Variants in TAF3 observed in about 807,000 individuals in gnomAD.
TAF3 encodes transcription initiation factor TFIID subunit 3.
In TAF3, 7 loss-of-function variants were observed where a neutral mutation model predicts 80.6. That is an observed-to-expected ratio of 0.09 (90% CI 0.05 to 0.16). The LOEUF is 0.16. Among genes scored for constraint, TAF3 ranks in the 10% least tolerant of loss-of-function variants. The pLI is 1.00. For missense variants in TAF3, 921 were observed against 1,140.2 expected (o/e 0.81, Z 2.77); for synonymous variants, 444 against 446.1 (o/e 1.00, Z 0.06).
At chr10:7,909,130 C>T (rs1270559650) in intron 2 of TAF3, among the ~76,000 whole-genome samples, 1 of 152,230 alleles carries the variant, frequency 6.6e-6, no homozygotes, top group Non-Finnish European at 1.5e-5. Context: ...GTTTGGTCGT[C>T]TAGACCAAGT....
Position 7,939,846 on chromosome 10 carries a change from A to G in TAF3, c.410-24074A>G, listed in dbSNP as rs1014745134. On this transcript the variant is annotated intron_variant, in intron 2 of 6. Transcript: ENST00000344293. Reference sequence around the variant, plus strand: ...CTACAGAGTTAATTCATGAGGTCCTATAGCCAACTAAAAGGAGTCCTAAGA... The same window carrying G: ...CTACAGAGTTAATTCATGAGGTCCTGTAGCCAACTAAAAGGAGTCCTAAGA... Among the ~76,000 whole-genome samples, 5 of 152,184 alleles carry G rather than the reference A, an allele frequency of 3.3e-5. No homozygotes were observed. In the South Asian group the frequency reaches 1.0e-3, roughly 31 times the overall value.
intron 2 of TAF3, among the ~76,000 whole-genome samples, chr10:7,957,048 A>G (rs1192488823): frequency 6.6e-6 from 1 of 152,166 alleles, no homozygotes; most frequent in East Asian, 1.9e-4. Context: ...ATAATTTTCA[A>G]TACATTCTCA....
intron 2 of TAF3, among the ~76,000 whole-genome samples, chr10:7,901,844 A>G (rs1361526905): frequency 6.6e-6 from 1 of 152,150 alleles, no homozygotes; most frequent in Non-Finnish European, 1.5e-5. Flanking sequence ...AGGTATTTTC[A>G]TTGCCTTTCT....
At chr10:8,006,606 A>T (rs1466585029) in intron 4 of TAF3, among the ~76,000 whole-genome samples, 1 of 152,238 alleles carries the variant, frequency 6.6e-6, no homozygotes, top group Non-Finnish European at 1.5e-5. Flanking sequence ...TCACCCTTGC[A>T]GGAAACAAAT....
chr10:7,985,854 G>A (rs1831771471), intron 4 of TAF3, among the ~76,000 whole-genome samples: 1 of 148,754 alleles, frequency 6.7e-6, no homozygotes, highest in Admixed American at 6.8e-5. Flanking sequence ...TGTGATCTTG[G>A]CTCACTGCAG....
In TAF3 at chr10:7,916,270, A is replaced by G. The variant is rs530374405; in HGVS notation, c.410-47650A>G. ...TCAGGTAATTAATGTATGTATTTCTATTTTTGACCATGTTTTAAGTTGCAT... is the reference window on the plus strand; with the variant it reads ...TCAGGTAATTAATGTATGTATTTCTGTTTTTGACCATGTTTTAAGTTGCAT... On this transcript the variant is annotated intron_variant, in intron 2 of 6. Coordinates refer to ENST00000344293, the MANE Select transcript of TAF3 (RefSeq NM_031923.4). Among the ~76,000 whole-genome samples the G allele has an allele frequency of 1.6e-4, 24 of 152,304 alleles. No homozygotes were observed. The East Asian group carries it at 4.4e-3, about 28-fold the overall frequency.
intron 4 of TAF3, among the ~76,000 whole-genome samples, chr10:7,987,039 G>A (rs1322321272): frequency 3.3e-5 from 5 of 152,018 alleles, no homozygotes; most frequent in African/African-American, 1.2e-4. Flanking sequence ...AACAAATTAG[G>A]GGCTGGACAT....
At chr10:7,863,642 T>C (rs1339418826) in intron 2 of TAF3, among the ~76,000 whole-genome samples, 1 of 118,776 alleles carries the variant, frequency 8.4e-6, no homozygotes, top group African/African-American at 3.1e-5. Flanking sequence ...TATATATATA[T>C]ATATACACAC....
intron 2 of TAF3, among the ~76,000 whole-genome samples, chr10:7,939,835 C>T (rs1270588706): frequency 3.3e-5 from 5 of 152,080 alleles, no homozygotes; most frequent in Non-Finnish European, 5.9e-5. Context: ...AGAGTTAATT[C>T]ATGAGGTCCT....
rs61731331 is a variant in TAF3 at position 7,964,498 on chromosome 10, A to G, written c.988A>G (p.Ile330Val). 4 of 1,613,324 alleles carry G rather than the reference A, an allele frequency of 2.5e-6. No homozygotes were observed. Among genetic ancestry groups the G allele is most frequent in the South Asian group, 1.1e-5 (1 of 91,042 alleles). ...CAAGAGCCCCAAGGTCACGACTCAC[A>G]TTCCCCAAACACCTGTGAGACCTGA... ...SPKSPKVTTH[I>V]PQTPVRPETP... is the part of the protein sequence containing the mutation. Residue 330 changes from isoleucine (I) to valine (V), a missense_variant, in exon 3 of 7, where the codon ATT becomes GTT. Coordinates refer to ENST00000344293, the MANE Select transcript of TAF3 (RefSeq NM_031923.4). The surrounding 1 kb of genome is among the most constrained non-coding windows in gnomAD (Gnocchi z 4.1).
At position 7,964,437 on chromosome 10, in the gene TAF3, G is replaced by C. The variant is rs780850499; in HGVS notation, c.927G>C (p.Lys309Asn). 1 of 1,613,938 alleles carries C rather than the reference G, an allele frequency of 6.2e-7. No homozygotes were observed. The highest frequency in any genetic ancestry group is 1.1e-5 in the South Asian group (1 of 91,078). ...CACCAAAAACTGTATCCAAAGAAAA[G>C]AAATCACCTGGACGTTCCAAGAGCC... Reference protein sequence around the residue: ...IRSPKTVSKEKKSPGRSKSPK... With the variant: ...IRSPKTVSKENKSPGRSKSPK... Residue 309 changes from lysine (K) to asparagine (N), a missense_variant, in exon 3 of 7, where the codon AAG becomes AAC. Around this residue, in one of 6 missense-constraint regions of TAF3, gnomAD observed 743 missense variants for 821.0 expected, o/e 0.90. Transcript: ENST00000344293. This position sits in a 1 kb window ranked among gnomAD's most constrained non-coding sequence, Gnocchi z 4.1.
intron 4 of TAF3, among the ~76,000 whole-genome samples, chr10:7,983,421 C>T (rs527460140): frequency 6.6e-6 from 1 of 152,240 alleles, no homozygotes; most frequent in East Asian, 1.9e-4. Flanking sequence ...GGAGGCAGGG[C>T]AAAGAACCTG....
At chr10:7,929,740 A>G (rs1837851202) in intron 2 of TAF3, among the ~76,000 whole-genome samples, 1 of 152,242 alleles carries the variant, frequency 6.6e-6, no homozygotes, top group African/African-American at 2.4e-5. Context: ...AACATTACCA[A>G]TAAATAAGAA....
chr10:7,944,139 TG>T (rs976255554), intron 2 of TAF3, among the ~76,000 whole-genome samples: 9 of 133,668 alleles, frequency 6.7e-5, no homozygotes, highest in African/African-American at 1.7e-4. Context: ...GTGTGTGTTG[TG>T]GGGGGGAGGG....
chr10:7,892,391 A>G (rs1837464329), intron 2 of TAF3, among the ~76,000 whole-genome samples: 1 of 152,234 alleles, frequency 6.6e-6, no homozygotes, highest in Non-Finnish European at 1.5e-5. Context: ...CATAAGAAAG[A>G]ACCATAATGT....
Position 7,818,689 on chromosome 10 carries a change from C to T in TAF3, c.-21C>T. The stretch of plus-strand genomic sequence containing the variant: ...TGGAGAGCAGTGGCAGCAAGGGCTG[C>T]GGTGGCGTCCACGCAGCGGGATGTG... On this transcript the variant is annotated 5_prime_UTR_variant, in exon 1 of 7. Transcript: ENST00000344293. 1.3e-6 allele frequency: 2 copies of T among 1,598,958 alleles called. No individual in the cohort carries two copies. The highest frequency in any genetic ancestry group is 1.1e-5 in the South Asian group (1 of 90,358).
At chr10:7,878,944 T>C (rs1837334860) in intron 2 of TAF3, among the ~76,000 whole-genome samples, 2 of 152,102 alleles carry the variant, frequency 1.3e-5, no homozygotes, top group Non-Finnish European at 2.9e-5. Context: ...GCCAGGCTGG[T>C]CCGGAACTCC....
intron 2 of TAF3, among the ~76,000 whole-genome samples, chr10:7,905,638 G>T (rs1837601246): frequency 6.6e-6 from 1 of 152,068 alleles, no homozygotes; most frequent in Non-Finnish European, 1.5e-5. Flanking sequence ...TCCCAGCACT[G>T]TGGAAAGCTG....
chr10:8,000,578 G>A (rs978875871), intron 4 of TAF3, among the ~76,000 whole-genome samples: 1 of 151,722 alleles, frequency 6.6e-6, no homozygotes, highest in Non-Finnish European at 1.5e-5. Flanking sequence ...ACCAGCCTGG[G>A]CAACATAGCA....
Sources: allele counts gnomAD v4.1 joint callset (sites outside exome capture counted in the v4.1 genomes callset), GRCh38; gene constraint gnomAD v4.1.1; regional missense constraint gnomAD v4.1.1; non-coding constraint Gnocchi (gnomAD v3.1); transcripts MANE v1.5; gene names NCBI Gene and HGNC (gene_info 2026-07-23, HGNC 2026-07-21).